The following DYNC2LI1 variants were observed in gnomAD, a reference collection of about 807,000 sequenced individuals.
DYNC2LI1 encodes the protein dynein cytoplasmic 2 light intermediate chain 1, also known as cytoplasmic dynein 2 light intermediate chain 1.
A neutral mutation model predicts 51.9 loss-of-function variants in DYNC2LI1; 45 were observed. The observed-to-expected ratio is 0.87, with a 90% CI of 0.68 to 1.11. The LOEUF is 1.11. DYNC2LI1 is among the 50% of genes most tolerant of loss of function. DYNC2LI1 has a pLI of 0.00. For synonymous variants in DYNC2LI1, 130 were observed against 137.8 expected (o/e 0.94, Z 0.40); for missense variants, 490 against 417.4 (o/e 1.17, Z -1.51).
intron 7 of DYNC2LI1, 89 bp downstream of exon 7, chr2:43,796,047 AAAAT>A (rs1201339881): frequency 1.3e-5 from 12 of 936,318 alleles, no homozygotes; most frequent in South Asian, 3.2e-5. Context: ...CAAAATAAGA[AAAAT>A]AATTATTGAA....
chr2:43,807,877 G>C (rs1056370571), intron 12 of DYNC2LI1, among the ~76,000 whole-genome samples: 1 of 151,598 alleles, frequency 6.6e-6, no homozygotes, highest in Non-Finnish European at 1.5e-5. Context: ...TTATTTTGAG[G>C]CCGTATCATT....
chr2:43,809,691 T>C lies in DYNC2LI1; in HGVS notation c.994-14T>C. 1 of 1,592,736 alleles carries C rather than the reference T, an allele frequency of 6.3e-7. No individual in the cohort carries two copies. The highest frequency in any genetic ancestry group is 8.6e-7 in the Non-Finnish European group (1 of 1,167,152). ...AGTTGATTTTTCTTAAAGTGATACA[T>C]ATTTTTGTTTTAGGAACTGGAACAG... On this transcript the variant is annotated splice_polypyrimidine_tract_variant and intron_variant, in intron 12 of 12. Coordinates refer to ENST00000260605, the MANE Select transcript of DYNC2LI1 (RefSeq NM_016008.4).
chr2:43,776,062 T>A lies in DYNC2LI1; in HGVS notation c.9-720T>A, dbSNP rs188554348. The stretch of plus-strand genomic sequence containing the variant: ...TCTTCTTCTTTTTTTATACTTTAAG[T>A]TCTAGGATACATGTGCACAACGTGC... On this transcript the variant is annotated intron_variant, in intron 1 of 12. Coordinates refer to ENST00000260605, the MANE Select transcript of DYNC2LI1 (RefSeq NM_016008.4). Among the ~76,000 whole-genome samples, 431 of 151,868 alleles carry A rather than the reference T, an allele frequency of 2.8e-3. 9 individuals carry two copies. Among genetic ancestry groups the A allele is most frequent in the Non-Finnish European group, 8.1e-4 (55 of 67,972 alleles).
chr2:43,820,417 A>G, the DYNC2LI1 span, among the ~76,000 whole-genome samples: 1 of 152,196 alleles, frequency 6.6e-6, no homozygotes, highest in Non-Finnish European at 1.5e-5. Flanking sequence ...GTTGAACTCT[A>G]CAGGCATCTT....
intron 8 of DYNC2LI1, among the ~76,000 whole-genome samples, chr2:43,799,354 A>C (rs1192501638): frequency 6.6e-6 from 1 of 152,194 alleles, no homozygotes; most frequent in Non-Finnish European, 1.5e-5. Flanking sequence ...AAGACTGATA[A>C]GTAGAACCAG....
the DYNC2LI1 span, chr2:43,826,421 C>T: frequency 6.2e-7 from 1 of 1,614,030 alleles, no homozygotes; most frequent in Non-Finnish European, 8.5e-7. Context: ...TGGTGAGAAC[C>T]ACAATTCGGT....
intron 9 of DYNC2LI1, 89 bp downstream of exon 9, chr2:43,801,006 G>A (rs1290517519): frequency 6.9e-6 from 5 of 722,648 alleles, no homozygotes; most frequent in African/African-American, 1.8e-5. Context: ...TCAGTCTCTT[G>A]TGTCTTGACC....
In DYNC2LI1 at chr2:43,774,092, G is replaced by A; in HGVS notation, c.-47G>A. On this transcript the variant is annotated 5_prime_UTR_variant, in exon 1 of 13. Coordinates refer to ENST00000260605, the MANE Select transcript of DYNC2LI1 (RefSeq NM_016008.4). ...GAGCTCGCCGCCTGATTCTAGGCTG[G>A]TCACTACTCCGAGCCTGTGACGTTT... 2 of 1,612,508 alleles carry A rather than the reference G, an allele frequency of 1.2e-6. No individual in the cohort carries two copies. Among genetic ancestry groups the A allele is most frequent in the South Asian group, 2.2e-5 (2 of 90,758 alleles).
chr2:43,774,065 C>T lies in DYNC2LI1; in HGVS notation c.-74C>T. Reference sequence around the variant, plus strand: ...GAAGGCCTCACTCCCAGACTCCTTGCGGAGCTCGCCGCCTGATTCTAGGCT... The same window carrying T: ...GAAGGCCTCACTCCCAGACTCCTTGTGGAGCTCGCCGCCTGATTCTAGGCT... On this transcript the variant is annotated 5_prime_UTR_variant, in exon 1 of 13. Coordinates refer to ENST00000260605, the MANE Select transcript of DYNC2LI1 (RefSeq NM_016008.4). 6.2e-7 allele frequency: 1 copy of T among 1,600,712 alleles called. No individual in the cohort carries two copies.
intron 5 of DYNC2LI1, among the ~76,000 whole-genome samples, chr2:43,791,454 C>A (rs769491944): frequency 6.6e-6 from 1 of 151,974 alleles, no homozygotes; most frequent in South Asian, 2.1e-4. Context: ...AGGGTTAATA[C>A]CTCATTTGTG....
chr2:43,820,218 A>T, the DYNC2LI1 span: 1 of 1,202,876 alleles, frequency 8.3e-7, no homozygotes, highest in Non-Finnish European at 1.2e-6. Flanking sequence ...TTTGCAGGGC[A>T]AGCCACACTC....
At chr2:43,825,764 G>T in the DYNC2LI1 span, among the ~76,000 whole-genome samples, 1 of 151,962 alleles carries the variant, frequency 6.6e-6, no homozygotes, top group Non-Finnish European at 1.5e-5. Context: ...ACACCACCAC[G>T]CCCAACTATC....
intron 3 of DYNC2LI1, among the ~76,000 whole-genome samples, chr2:43,784,083 A>T (rs1443692025): frequency 6.6e-6 from 1 of 152,220 alleles, no homozygotes; most frequent in African/African-American, 2.4e-5. Flanking sequence ...TTTTTGGAAG[A>T]TATTTCTCTG....
chr2:43,825,311 C>G, the DYNC2LI1 span, among the ~76,000 whole-genome samples: 1 of 152,162 alleles, frequency 6.6e-6, no homozygotes, highest in Non-Finnish European at 1.5e-5. Context: ...ACAAGCATGA[C>G]TGGACCTGGG....
the DYNC2LI1 span, among the ~76,000 whole-genome samples, chr2:43,817,590 C>A: frequency 1.3e-5 from 2 of 151,882 alleles, no homozygotes; most frequent in East Asian, 1.9e-4. Context: ...ATAAACCCAT[C>A]ATAAGTTGAA....
intron 2 of DYNC2LI1, among the ~76,000 whole-genome samples, chr2:43,777,967 A>G (rs1572692766): frequency 6.6e-6 from 1 of 152,376 alleles, no homozygotes; most frequent in Middle Eastern, 3.4e-3. Flanking sequence ...AAAAATTCTG[A>G]TAAAAATTAG....
intron 8 of DYNC2LI1, among the ~76,000 whole-genome samples, chr2:43,800,177 C>T (rs375095716): frequency 6.6e-6 from 1 of 152,172 alleles, no homozygotes; most frequent in African/African-American, 2.4e-5. Flanking sequence ...AACCATATGT[C>T]CTGGTATTCA....
At chr2:43,783,187 T>G (rs1430248695) in intron 2 of DYNC2LI1, among the ~76,000 whole-genome samples, 1 of 152,230 alleles carries the variant, frequency 6.6e-6, no homozygotes, top group African/African-American at 2.4e-5. Context: ...AAGCATCGGC[T>G]TAACCAGTAA....
At chr2:43,792,939 TGTGA>T in intron 5 of DYNC2LI1, 1 of 821,800 alleles carries the variant, frequency 1.2e-6, no homozygotes, top group Non-Finnish European at 1.8e-6. Context: ...TTTTGACTAT[TGTGA>T]GTAATGCTGG....
Sources: allele counts gnomAD v4.1 joint callset (sites outside exome capture counted in the v4.1 genomes callset), GRCh38; gene constraint gnomAD v4.1.1; transcripts MANE v1.5; gene names NCBI Gene and HGNC (gene_info 2026-07-23, HGNC 2026-07-21).